Variants in MOB3B observed in about 807,000 individuals in gnomAD.
The protein encoded by MOB3B is MOB kinase activator-like 2B.
A neutral mutation model predicts 18.7 loss-of-function variants in MOB3B; 7 were observed. The ratio of observed to expected loss-of-function variants is 0.37; its 90% CI spans 0.21 to 0.70. The LOEUF (loss-of-function observed/expected upper bound fraction) is 0.70, where lower values mean the gene tolerates loss of function less well. Among genes scored for constraint, MOB3B ranks in the 30% least tolerant of loss-of-function variants. The probability of loss-of-function intolerance (pLI) is 0.52; values close to 1 mark genes in which losing one functional copy is unlikely to be tolerated. For synonymous variants in MOB3B, 111 were observed against 99.9 expected (o/e 1.11, Z -0.66); for missense variants, 253 against 281.3 (o/e 0.90, Z 0.72).
intron 1 of MOB3B, among the ~76,000 whole-genome samples, chr9:27,512,033 TC>T (rs1173434465): frequency 6.6e-6 from 1 of 152,046 alleles, no homozygotes. Context: ...CATATAACCT[TC>T]CCATGCACAC....
At chr9:27,367,440 G>A (rs1056023153) in intron 2 of MOB3B, among the ~76,000 whole-genome samples, 7 of 152,220 alleles carry the variant, frequency 4.6e-5, no homozygotes, top group African/African-American at 1.7e-4. Flanking sequence ...GTCACTGGGG[G>A]TTTAGGACAC....
intron 2 of MOB3B, among the ~76,000 whole-genome samples, chr9:27,435,846 C>T (rs1822492357): frequency 6.6e-6 from 1 of 152,170 alleles, no homozygotes; most frequent in Non-Finnish European, 1.5e-5. Flanking sequence ...AGTGATCCAC[C>T]TGACTTGGCC....
At chr9:27,357,631 G>A (rs1821211238) in intron 3 of MOB3B, among the ~76,000 whole-genome samples, 3 of 152,026 alleles carry the variant, frequency 2.0e-5, no homozygotes, top group Non-Finnish European at 2.9e-5. Context: ...CTCAGTCTCC[G>A]GACTAACCTG....
intron 1 of MOB3B, among the ~76,000 whole-genome samples, chr9:27,508,339 C>T (rs762237671): frequency 5.9e-5 from 9 of 151,850 alleles, no homozygotes; most frequent in South Asian, 2.1e-4. Flanking sequence ...ATTAAAAAAA[C>T]GCAAGGGTTG....
intron 2 of MOB3B, among the ~76,000 whole-genome samples, chr9:27,370,032 T>C (rs1821393473): frequency 6.6e-6 from 1 of 150,962 alleles, no homozygotes; most frequent in Non-Finnish European, 1.5e-5. Context: ...ATCGAATGCA[T>C]AGCAGAACAC....
chr9:27,395,649 G>A (rs916803476), intron 2 of MOB3B, among the ~76,000 whole-genome samples: 1 of 152,144 alleles, frequency 6.6e-6, no homozygotes, highest in African/African-American at 2.4e-5. Context: ...GTCAATAACA[G>A]GAGATACCAT....
chr9:27,352,091 A>G (rs1411880794), intron 3 of MOB3B, among the ~76,000 whole-genome samples: 1 of 152,142 alleles, frequency 6.6e-6, no homozygotes, highest in Non-Finnish European at 1.5e-5. Context: ...TCTGCTGGAA[A>G]TAATAGTAAC....
intron 3 of MOB3B, among the ~76,000 whole-genome samples, chr9:27,345,431 C>T (rs146023110): frequency 3.3e-4 from 50 of 152,178 alleles, no homozygotes; most frequent in African/African-American, 1.1e-3. Flanking sequence ...ACAAGTACTG[C>T]TCTAAGTAGT....
Position 27,330,410 on chromosome 9 carries a change from A to C in MOB3B, c.*177T>G. 1.3e-6 allele frequency: 1 copy of C among 741,492 alleles called. No individual in the cohort carries two copies. The highest frequency in any genetic ancestry group is 1.9e-5 in the South Asian group (1 of 51,806). The allele number at this position is 741,492 out of a possible 1,614,324, so 45.9% of individuals were successfully genotyped here. On this transcript the variant is annotated 3_prime_UTR_variant, in exon 4 of 4. Transcript: ENST00000262244. Reference sequence around the variant, plus strand: ...CCACAGGTCTGGGCTAGCAGCACTCAGAAGGTTAAGAGCACACAAAGTGAG... The same window carrying C: ...CCACAGGTCTGGGCTAGCAGCACTCCGAAGGTTAAGAGCACACAAAGTGAG...
At chr9:27,428,148 T>G (rs187534761) in intron 2 of MOB3B, among the ~76,000 whole-genome samples, 2 of 152,274 alleles carry the variant, frequency 1.3e-5, no homozygotes, top group East Asian at 3.9e-4. Flanking sequence ...AGCTATTTAC[T>G]GAGGGGCTGC....
Position 27,479,014 on chromosome 9 carries a change from T to TA in MOB3B, c.-198-23267dup, listed in dbSNP as rs1235246907. ...AATGAAATGACATTCAAAGTGGTAA[T>TA]AAAAAAACCTGTCAAACTAATATTC... On this transcript the variant is annotated intron_variant, in intron 1 of 3. Transcript: ENST00000262244. Among the ~76,000 whole-genome samples, 7 of 152,214 alleles carry TA rather than the reference T, an allele frequency of 4.6e-5. No homozygotes were observed. The East Asian group carries it at 7.7e-4, about 17-fold the overall frequency.
At chr9:27,472,832 A>C (rs1248228696) in intron 1 of MOB3B, among the ~76,000 whole-genome samples, 1 of 152,220 alleles carries the variant, frequency 6.6e-6, no homozygotes, top group Non-Finnish European at 1.5e-5. Flanking sequence ...AACTTTAGTC[A>C]ACAAAAAAAT....
In MOB3B at chr9:27,370,509, AG is replaced by A. The variant is rs763922330; in HGVS notation, c.419-11274del. 2.8e-3 allele frequency among the ~76,000 whole-genome samples: 335 copies of A among 118,550 alleles called. 31 individuals are homozygous for A. Among genetic ancestry groups the A allele is most frequent in the African/African-American group, 4.9e-3 (125 of 25,344 alleles). 77.8% of individuals were successfully genotyped at this position (118,550 alleles called of 152,430 possible). ...GGCAACAAGAGTGAAACTCCATCTC[AG>A]AAAAAAAAAAAAGAAAAAAAGAGGG... On this transcript the variant is annotated intron_variant, in intron 2 of 3. Transcript: ENST00000262244.
At chr9:27,387,098 ATGTGTGCT>A (rs1821659678) in intron 2 of MOB3B, among the ~76,000 whole-genome samples, 2 of 152,222 alleles carry the variant, frequency 1.3e-5, no homozygotes, top group South Asian at 4.1e-4. Context: ...TGTGGCCTAA[ATGTGTGCT>A]TGCTGAGAAA....
At chr9:27,398,018 G>T (rs562250057) in intron 2 of MOB3B, among the ~76,000 whole-genome samples, 1 of 152,150 alleles carries the variant, frequency 6.6e-6, no homozygotes, top group South Asian at 2.1e-4. Flanking sequence ...CAAGTCTCCC[G>T]TCTTTTGATA....
chr9:27,426,020 CAGG>C (rs1455343595), intron 2 of MOB3B, among the ~76,000 whole-genome samples: 4 of 152,162 alleles, frequency 2.6e-5, no homozygotes, highest in South Asian at 4.1e-4. Flanking sequence ...TATGGAAAAG[CAGG>C]AGGAGTTGAA....
chr9:27,524,323 A>C, intron 1 of MOB3B: 1 of 1,601,392 alleles, frequency 6.2e-7, no homozygotes, highest in East Asian at 2.2e-5. Context: ...TGGATTTTTT[A>C]GCTTGCAAAA....
At chr9:27,343,241 C>A (rs1359725560) in intron 3 of MOB3B, among the ~76,000 whole-genome samples, 1 of 151,426 alleles carries the variant, frequency 6.6e-6, no homozygotes, top group Non-Finnish European at 1.5e-5. Context: ...AAGGGTGGTG[C>A]AAGATGTGCT....
intron 2 of MOB3B, among the ~76,000 whole-genome samples, chr9:27,414,500 C>T (rs1025391680): frequency 6.6e-6 from 1 of 152,176 alleles, no homozygotes; most frequent in Non-Finnish European, 1.5e-5. Context: ...TGAAGTAAGA[C>T]CCACTTCTTG....
Sources: allele counts gnomAD v4.1 joint callset (sites outside exome capture counted in the v4.1 genomes callset), GRCh38; gene constraint gnomAD v4.1.1; transcripts MANE v1.5; gene names NCBI Gene and HGNC (gene_info 2026-07-23, HGNC 2026-07-21).